The following SH3GL2 variants were observed in gnomAD, a reference collection of about 807,000 sequenced individuals.
SH3GL2 encodes the protein endophilin-A1.
A neutral mutation model predicts 46.0 loss-of-function variants in SH3GL2; 24 were observed. That is an observed-to-expected ratio of 0.52 (90% confidence interval 0.38 to 0.73). SH3GL2 has a LOEUF of 0.73. SH3GL2 is among the 30% of genes least tolerant of loss of function. The pLI is 0.00. For synonymous variants in SH3GL2, 196 were observed against 147.1 expected (o/e 1.33, Z -2.40); for missense variants, 413 against 424.2 (o/e 0.97, Z 0.23).
chr9:17,593,169 C>T (rs923265003), intron 1 of SH3GL2, among the ~76,000 whole-genome samples: 2 of 152,198 alleles, frequency 1.3e-5, no homozygotes, highest in East Asian at 3.9e-4. Flanking sequence ...AATGGCTAAA[C>T]ATAAGTAAGT....
chr9:17,669,433 T>G (rs1820420577), intron 1 of SH3GL2, among the ~76,000 whole-genome samples: 1 of 152,228 alleles, frequency 6.6e-6, no homozygotes, highest in Non-Finnish European at 1.5e-5. Context: ...ACTTCCTCTT[T>G]CATCTTCCCT....
chr9:17,759,223 G>C (rs1287169830), intron 2 of SH3GL2, among the ~76,000 whole-genome samples: 1 of 152,188 alleles, frequency 6.6e-6, no homozygotes, highest in East Asian at 1.9e-4. Context: ...CAGCAGATCA[G>C]CATTGCAGAG....
intron 5 of SH3GL2, 65 bp from the exon 6 acceptor site, chr9:17,789,327 G>T: frequency 1.2e-5 from 16 of 1,334,694 alleles, no homozygotes; most frequent in Non-Finnish European, 1.6e-5. Flanking sequence ...TGATGGAGAA[G>T]TGAGCTCAAA....
At chr9:17,793,731 C>T (rs1325847441) in intron 8 of SH3GL2, among the ~76,000 whole-genome samples, 1 of 152,074 alleles carries the variant, frequency 6.6e-6, no homozygotes, top group East Asian at 1.9e-4. Flanking sequence ...TTTGTATATC[C>T]CATTTTCTCT....
At chr9:17,656,779 A>AAC (rs1554635605) in intron 1 of SH3GL2, among the ~76,000 whole-genome samples, 18 of 151,082 alleles carry the variant, frequency 1.2e-4, no homozygotes, top group African/African-American at 3.9e-4. Flanking sequence ...TCAAAAAAAA[A>AAC]AAAAAAAACA....
At chr9:17,653,992 C>T (rs766947030) in intron 1 of SH3GL2, 12 of 237,154 alleles carry the variant, frequency 5.1e-5, no homozygotes, top group African/African-American at 2.1e-4. Flanking sequence ...GTGCTGTATT[C>T]ACACAGCAGC....
intron 5 of SH3GL2, 118 bp from the exon 6 acceptor site, chr9:17,789,274 T>C: frequency 1.3e-6 from 1 of 762,570 alleles, no homozygotes; most frequent in Non-Finnish European, 2.2e-6. Context: ...GGTGGCGTTG[T>C]ATTTTAAAAC....
intron 1 of SH3GL2, among the ~76,000 whole-genome samples, chr9:17,653,310 A>G (rs901608132): frequency 6.6e-6 from 1 of 152,064 alleles, no homozygotes; most frequent in Non-Finnish European, 1.5e-5. Context: ...GTTCTGGGAA[A>G]TATTTGACTG....
intron 2 of SH3GL2, among the ~76,000 whole-genome samples, chr9:17,752,462 G>T (rs1298703888): frequency 6.6e-6 from 1 of 152,096 alleles, no homozygotes; most frequent in African/African-American, 2.4e-5. Context: ...TTTCAAGTGG[G>T]TGTGTAATTC....
chr9:17,655,492 T>C (rs1169059223), intron 1 of SH3GL2, among the ~76,000 whole-genome samples: 1 of 152,200 alleles, frequency 6.6e-6, no homozygotes, highest in Non-Finnish European at 1.5e-5. Context: ...ATAAGATGGA[T>C]TGATTTATGC....
intron 1 of SH3GL2, among the ~76,000 whole-genome samples, chr9:17,603,746 G>A (rs1012147105): frequency 9.2e-5 from 14 of 152,096 alleles, no homozygotes; most frequent in African/African-American, 3.4e-4. Flanking sequence ...TGTAATCCCA[G>A]CTACTCGGGA....
At chr9:17,714,618 T>C (rs535466484) in intron 1 of SH3GL2, among the ~76,000 whole-genome samples, 19 of 151,952 alleles carry the variant, frequency 1.3e-4, no homozygotes, top group Non-Finnish European at 2.1e-4. Flanking sequence ...ACTTCACTTA[T>C]TGCATACAAA....
chr9:17,672,170 C>A (rs539955305), intron 1 of SH3GL2, among the ~76,000 whole-genome samples: 2 of 152,080 alleles, frequency 1.3e-5, no homozygotes, highest in Non-Finnish European at 2.9e-5. Context: ...GTTGAATTTG[C>A]TTATTTTGTA....
At chr9:17,680,174 C>G (rs1286789192) in intron 1 of SH3GL2, among the ~76,000 whole-genome samples, 1 of 152,128 alleles carries the variant, frequency 6.6e-6, no homozygotes, top group East Asian at 1.9e-4. Flanking sequence ...CCCTCTTTTT[C>G]TATTGATTCG....
At chr9:17,707,422 G>C (rs1429471873) in intron 1 of SH3GL2, among the ~76,000 whole-genome samples, 2 of 151,950 alleles carry the variant, frequency 1.3e-5, no homozygotes, top group East Asian at 1.9e-4. Context: ...TCTTTTATGT[G>C]TTTGAAAGCT....
intron 3 of SH3GL2, among the ~76,000 whole-genome samples, chr9:17,784,456 C>T (rs964030077): frequency 6.6e-6 from 1 of 152,062 alleles, no homozygotes; most frequent in Non-Finnish European, 1.5e-5. Context: ...TTTCTCCTTT[C>T]CTTCTATTCA....
At chr9:17,694,540 T>C (rs1386782557) in intron 1 of SH3GL2, among the ~76,000 whole-genome samples, 1 of 152,162 alleles carries the variant, frequency 6.6e-6, no homozygotes, top group Non-Finnish European at 1.5e-5. Context: ...TCATTTAGCT[T>C]TCAGAATTCA....
intron 1 of SH3GL2, among the ~76,000 whole-genome samples, chr9:17,596,254 A>G (rs1264255431): frequency 6.6e-6 from 1 of 152,186 alleles, no homozygotes; most frequent in African/African-American, 2.4e-5. Flanking sequence ...ATGCATGGCT[A>G]CTTTTCTGGT....
chr9:17,754,886 C>G (rs192568571), intron 2 of SH3GL2, among the ~76,000 whole-genome samples: 1 of 152,202 alleles, frequency 6.6e-6, no homozygotes, highest in East Asian at 1.9e-4. Context: ...ATCTTTTTGG[C>G]TGAGACTGTG....
Sources: gnomAD v4.1 joint callset for allele counts (sites outside exome capture counted in the v4.1 genomes callset) on GRCh38, gnomAD v4.1.1 for gene constraint, MANE v1.5 for transcripts, NCBI Gene and HGNC (gene_info 2026-07-23, HGNC 2026-07-21) for gene names.